The following CERS2 variants were observed in gnomAD, a reference collection of about 807,000 sequenced individuals.
CERS2 encodes the protein LAG1 homolog, ceramide synthase 2.
A neutral mutation model predicts 56.6 loss-of-function variants in CERS2; 20 were observed. The observed-to-expected ratio is 0.35, with a 90% CI of 0.25 to 0.51. The LOEUF is 0.51. CERS2 is among the 20% of genes least tolerant of loss of function. CERS2 has a pLI of 0.96. For synonymous variants in CERS2, 187 were observed against 175.4 expected (o/e 1.07, Z -0.52); for missense variants, 361 against 488.6 (o/e 0.74, Z 2.46).
chr1:150,967,487 G>A lies in CERS2; in HGVS notation c.520-3C>T, dbSNP rs761726667. On this transcript the variant is annotated splice_region_variant and splice_polypyrimidine_tract_variant and intron_variant, in intron 6 of 10. Coordinates refer to ENST00000368954, the MANE Select transcript of CERS2 (RefSeq NM_022075.5). The stretch of plus-strand genomic sequence containing the variant: ...CAATACTGGGAAGGGATAGTGCTCT[G>A]GGAGAGGAGAGAGAGGTAAGAGCAA... 3.2e-5 allele frequency: 50 copies of A among 1,561,616 alleles called. No homozygotes were observed. The highest frequency in any genetic ancestry group is 4.2e-5 in the Non-Finnish European group (48 of 1,132,332).
intron 5 of CERS2, 33 bp downstream of exon 5, chr1:150,967,787 A>C: frequency 6.2e-7 from 1 of 1,609,392 alleles, no homozygotes; most frequent in Non-Finnish European, 8.5e-7. Context: ...TTGCCAGAGA[A>C]CCTACTCCCA....
chr1:150,967,361 T>G (rs765013119), intron 7 of CERS2, 31 bp downstream of exon 7: 1 of 1,501,130 alleles, frequency 6.7e-7, no homozygotes, highest in Non-Finnish European at 9.3e-7. Context: ...ATTTTGGCTC[T>G]GAGGCTTAAT....
Position 150,969,000 on chromosome 1 carries a change from G to T in CERS2, c.91C>A (p.Arg31Ser). Reference protein sequence around the residue: ...TWADLEDRDGRVYAKASDLYI... With the variant: ...TWADLEDRDGSVYAKASDLYI... ...AGATCTGAGGCTTTGGCGTAGACAC[G>T]TCCATCTCGGTCTTCTAGATCGGCC... The change falls in exon 2 of 11, where the codon CGT becomes AGT. Residue 31 changes from arginine to serine, a missense_variant. Physicochemically the swap from Arg to Ser is moderately radical, Grantham distance 110 (BLOSUM62 -1). Around this residue, in one of 3 missense-constraint regions of CERS2, gnomAD observed 236 missense variants for 309.2 expected, o/e 0.76. Coordinates refer to ENST00000368954, the MANE Select transcript of CERS2 (RefSeq NM_022075.5). The T allele has an allele frequency of 6.2e-7, 1 of 1,614,068 alleles. No individual in the cohort carries two copies. The highest frequency in any genetic ancestry group is 8.5e-7 in the Non-Finnish European group (1 of 1,179,984).
intron 7 of CERS2, 40 bp downstream of exon 7, chr1:150,967,352 T>A (rs753724848): frequency 2.1e-6 from 3 of 1,456,130 alleles, no homozygotes; most frequent in Admixed American, 3.3e-5. Context: ...CAGGGCCTCA[T>A]TTTGGCTCTG....
In CERS2 at chr1:150,967,153, C is replaced by T. The variant is rs777240993; in HGVS notation, c.662G>A (p.Ser221Asn). 4.3e-6 allele frequency: 7 copies of T among 1,613,882 alleles called. No individual in the cohort carries two copies. The highest frequency in any genetic ancestry group is 5.9e-6 in the Non-Finnish European group (7 of 1,179,766). The change falls in exon 8 of 11, where the codon AGC becomes AAC. Residue 221 changes from serine to asparagine, a missense_variant. Ser to Asn is a conservative substitution (Grantham distance 46). Coordinates refer to ENST00000368954, the MANE Select transcript of CERS2 (RefSeq NM_022075.5). ...IHHVATIILISFSWFANYIRA... is the reference protein window; with the variant it reads ...IHHVATIILINFSWFANYIRA... Reference sequence around the variant, plus strand: ...GATGTAATTGGCAAACCAGGAAAAGCTGATGAGAATGATGGTGGCCACATG... The same window carrying T: ...GATGTAATTGGCAAACCAGGAAAAGTTGATGAGAATGATGGTGGCCACATG...
intron 6 of CERS2, 43 bp downstream of exon 6, chr1:150,967,621 G>A (rs1671061680): frequency 1.3e-6 from 2 of 1,549,370 alleles, no homozygotes; most frequent in Non-Finnish European, 1.8e-6. Flanking sequence ...CTTCACTAGG[G>A]TGTGTCTTAG....
intron 1 of CERS2, chr1:150,969,462 C>T (rs749594843): frequency 3.1e-4 from 64 of 208,906 alleles, no homozygotes; most frequent in Non-Finnish European, 5.5e-4. Context: ...ATAGTCCCAG[C>T]TACTCAGGAG....
At position 150,968,915 on chromosome 1, in the gene CERS2, T is replaced by C. The variant is rs1452477492; in HGVS notation, c.173+3A>G. On this transcript the variant is annotated splice_donor_region_variant and intron_variant, in intron 2 of 10. Transcript: ENST00000368954. The stretch of plus-strand genomic sequence containing the variant: ...AGGCATGAGGGTAGGCTGGCATGCT[T>C]ACAGCTCAAAGAAGTATCGAACGAT... 6.2e-7 allele frequency: 1 copy of C among 1,612,364 alleles called. No individual in the cohort carries two copies. The highest frequency in any genetic ancestry group is 1.3e-5 in the African/African-American group (1 of 74,874).
chr1:150,966,012 G>C lies in CERS2; in HGVS notation c.*136C>G, dbSNP rs1191148614. 1 of 938,852 alleles carries C rather than the reference G, an allele frequency of 1.1e-6. No homozygotes were observed. The highest frequency in any genetic ancestry group is 1.7e-5 in the African/African-American group (1 of 58,452). 58.2% of individuals were successfully genotyped at this position (938,852 alleles called of 1,614,324 possible). On this transcript the variant is annotated 3_prime_UTR_variant, in exon 11 of 11. Transcript: ENST00000368954. Reference sequence around the variant, plus strand: ...TGGTTTAAAGGCAACTGGGTGACAAGCAAGGAGGGAGGATGCAGAGAACTC... The same window carrying C: ...TGGTTTAAAGGCAACTGGGTGACAACCAAGGAGGGAGGATGCAGAGAACTC...
At position 150,966,812 on chromosome 1, in the gene CERS2, G is replaced by A. The variant is rs760968741; in HGVS notation, c.792C>T (p.Ile264=). The A allele has an allele frequency of 6.2e-7, 1 of 1,614,134 alleles. No individual in the cohort carries two copies. Among genetic ancestry groups the A allele is most frequent in the Non-Finnish European group, 8.5e-7 (1 of 1,179,994 alleles). The part of the protein sequence containing the change: ...YAGWKNTCNN[I]FIVFAIVFII... ...TAAAAACAATGGCGAAGACGATGAA[G>A]ATGTTGTTGCAGGTGTTCTTCCATC... Residue 264 remains isoleucine (I), a synonymous_variant, in exon 9 of 11, where the codon ATC becomes ATT. Coordinates refer to ENST00000368954, the MANE Select transcript of CERS2 (RefSeq NM_022075.5).
In CERS2 at chr1:150,966,085, C is replaced by T. The variant is rs1289387443; in HGVS notation, c.*63G>A. ...CCCAGAGCTTAAAGTGACCCTATAGCGCAGGGAGCGGGGTAGTTCCTTGGC... is the reference window on the plus strand; with the variant it reads ...CCCAGAGCTTAAAGTGACCCTATAGTGCAGGGAGCGGGGTAGTTCCTTGGC... On this transcript the variant is annotated 3_prime_UTR_variant, in exon 11 of 11. Coordinates refer to ENST00000368954, the MANE Select transcript of CERS2 (RefSeq NM_022075.5). 5 of 1,495,748 alleles carry T rather than the reference C, an allele frequency of 3.3e-6. No individual in the cohort carries two copies. Among genetic ancestry groups the T allele is most frequent in the East Asian group, 4.6e-5 (2 of 43,334 alleles). 92.7% of individuals were successfully genotyped at this position (1,495,748 alleles called of 1,614,324 possible). A position where few individuals can be genotyped will look rare whatever the true frequency, so the allele number is the denominator to read the frequency against.
At chr1:150,971,268 G>A (rs888546872) in intron 1 of CERS2, among the ~76,000 whole-genome samples, 2 of 152,184 alleles carry the variant, frequency 1.3e-5, no homozygotes, top group Non-Finnish European at 2.9e-5. Flanking sequence ...CAGTGACCTG[G>A]AGACTAGTTG....
chr1:150,968,253 C>G, intron 3 of CERS2, 52 bp from the exon 4 acceptor site: 4 of 1,559,916 alleles, frequency 2.6e-6, no homozygotes, highest in Non-Finnish European at 2.6e-6. Flanking sequence ...AACTCAGCAG[C>G]ATCCCCAGCC....
chr1:150,970,832 T>C (rs1162954902), intron 1 of CERS2, among the ~76,000 whole-genome samples: 1 of 152,152 alleles, frequency 6.6e-6, no homozygotes, highest in Non-Finnish European at 1.5e-5. Context: ...CTATTTCGTA[T>C]AAATGCTCAT....
chr1:150,967,865 T>C lies in CERS2; in HGVS notation c.423A>G (p.Thr141=). The C allele has an allele frequency of 1.9e-6, 3 of 1,613,612 alleles. No individual in the cohort carries two copies. Among genetic ancestry groups the C allele is most frequent in the Non-Finnish European group, 2.5e-6 (3 of 1,179,636 alleles). ...KKFREASWRF[T]FYLIAFIAGM... is the part of the protein sequence containing the mutation. ...CGGCAATGAAGGCAATCAGGTAAAA[T>C]GTGAATCTCCAGCTGGCAGAGGAAG... is the stretch of plus-strand genomic sequence containing the variant. Residue 141 remains threonine (T), a synonymous_variant, in exon 5 of 11, where the codon ACA becomes ACG. Transcript: ENST00000368954.
At chr1:150,972,716 T>G (rs933867907) in intron 1 of CERS2, among the ~76,000 whole-genome samples, 1 of 152,210 alleles carries the variant, frequency 6.6e-6, no homozygotes, top group Non-Finnish European at 1.5e-5. Context: ...GAGGCACAGA[T>G]GCCACTTTCT....
Position 150,968,159 on chromosome 1 carries a change from G to T in CERS2, c.334C>A (p.Arg112Ser). Residue 112 changes from arginine to serine, a missense_variant, in exon 4 of 11, where the codon CGC becomes AGC. Transcript: ENST00000368954. ...CGACGGAACCAACGCTCTACCTGGCGGCCAGAGAGCCCGCTCTGCCGGGAC... is the reference window on the plus strand; with the variant it reads ...CGACGGAACCAACGCTCTACCTGGCTGCCAGAGAGCCCGCTCTGCCGGGAC... ...LLSRQSGLSG[R>S]QVERWFRRRR... The T allele has an allele frequency of 1.2e-6, 2 of 1,609,542 alleles. No homozygotes were observed. The highest frequency in any genetic ancestry group is 1.7e-6 in the Non-Finnish European group (2 of 1,179,998).
chr1:150,971,573 C>G (rs1223307267), intron 1 of CERS2, among the ~76,000 whole-genome samples: 2 of 152,248 alleles, frequency 1.3e-5, no homozygotes, highest in East Asian at 3.9e-4. Context: ...GCCCCTGCCC[C>G]CTCCACCTCA....
In CERS2 at chr1:150,965,925, CCGTCCCCCTCTAACAGAATATAACCAA is replaced by C. The variant is rs1238819463; in HGVS notation, c.*196_*222del. The C allele has an allele frequency of 4.3e-6, 2 of 463,888 alleles. No homozygotes were observed. Among genetic ancestry groups the C allele is most frequent in the African/African-American group, 4.1e-5 (2 of 48,780 alleles). 28.7% of individuals were successfully genotyped at this position (463,888 alleles called of 1,614,324 possible). On this transcript the variant is annotated 3_prime_UTR_variant, in exon 11 of 11. Transcript: ENST00000368954. ...TTGGCGGGTAGGGAGGAAAATACGA[CCGTCCCCCTCTAACAGAATATAACCAA>C]CGTCCCCCTACCTGGGGATAGGCTG...
Sources: gnomAD v4.1 joint callset for allele counts (sites outside exome capture counted in the v4.1 genomes callset) on GRCh38, gnomAD v4.1.1 for gene constraint, gnomAD v4.1.1 regional missense constraint, MANE v1.5 for transcripts, NCBI Gene and HGNC (gene_info 2026-07-23, HGNC 2026-07-21) for gene names.